The following PPP2R2C variants were observed in gnomAD, a reference collection of about 807,000 sequenced individuals.
PPP2R2C encodes protein phosphatase 2 regulatory subunit Bgamma.
In PPP2R2C, 10 loss-of-function variants were observed where a neutral mutation model predicts 45.3. That is an observed-to-expected ratio of 0.22 (90% CI 0.14 to 0.37). The LOEUF is 0.37. Among genes scored for constraint, PPP2R2C ranks in the 10% least tolerant of loss-of-function variants. The pLI, the probability that PPP2R2C is intolerant of heterozygous loss-of-function variation, is 1.00. For missense variants in PPP2R2C, 308 were observed against 619.7 expected, an observed-to-expected ratio of 0.50 and a Z score of 5.34; for synonymous variants, 257 against 245.4, an observed-to-expected ratio of 1.05 and a Z score of -0.44.
chr4:6,393,299 T>C (rs760445363), intron 1 of PPP2R2C, among the ~76,000 whole-genome samples: 6 of 152,310 alleles, frequency 3.9e-5, no homozygotes, highest in Non-Finnish European at 7.4e-5. Context: ...CTATGGATTT[T>C]GCCTACTCTG....
At chr4:6,541,600 G>A (rs1383114548) in intron 1 of PPP2R2C, among the ~76,000 whole-genome samples, 3 of 152,114 alleles carry the variant, frequency 2.0e-5, no homozygotes, top group Admixed American at 6.5e-5. Context: ...AGGCTGGAGT[G>A]CAGTGGCGCG....
chr4:6,528,409 C>T (rs1724285529), intron 2 of PPP2R2C, among the ~76,000 whole-genome samples: 1 of 152,218 alleles, frequency 6.6e-6, no homozygotes, highest in East Asian at 1.9e-4. Flanking sequence ...GAGCGCCCTG[C>T]CTCAGAATCT....
intron 1 of PPP2R2C, among the ~76,000 whole-genome samples, chr4:6,553,260 C>T (rs1725243671): frequency 1.3e-5 from 2 of 152,236 alleles, no homozygotes; most frequent in African/African-American, 4.8e-5. Context: ...TGGTGCCTCC[C>T]ACTGGCCAAA....
intron 2 of PPP2R2C, among the ~76,000 whole-genome samples, chr4:6,519,631 T>C (rs1723951440): frequency 6.6e-6 from 1 of 152,208 alleles, no homozygotes; most frequent in African/African-American, 2.4e-5. Context: ...CCCCATTCTG[T>C]CCGCACCTAT....
rs370954443 is a variant in PPP2R2C at position 6,493,017 on chromosome 4, C to G, written c.49+42254G>C. Among the ~76,000 whole-genome samples, 23 of 152,284 alleles carry G rather than the reference C, an allele frequency of 1.5e-4. 1 individual carries two copies. Among genetic ancestry groups the G allele is most frequent in the African/African-American group, 5.3e-4 (22 of 41,556 alleles). ...CCAACACACCAACCTCCCAGCTGTT[C>G]CTCCAGCTCAACATGCATACCCTGC... On this transcript the variant is annotated intron_variant, in intron 2 of 9. Coordinates refer to the PPP2R2C transcript ENST00000506140.
Position 6,471,779 on chromosome 4 carries a change from G to A in PPP2R2C, c.70+381C>T, listed in dbSNP as rs73207858. On this transcript the variant is annotated intron_variant, in intron 1 of 8. Coordinates refer to ENST00000382599, the MANE Select transcript of PPP2R2C (RefSeq NM_020416.4). The surrounding 1 kb of genome is among the most constrained non-coding windows in gnomAD (Gnocchi z 5.6). ...GGGCAGGGCTGAAATGGCAAATCCA[G>A]GATTTAAACCATTAAATTTCCCCGA... 3.6e-3 allele frequency: 740 copies of A among 204,192 alleles called. 3 individuals carry two copies. Among genetic ancestry groups the A allele is most frequent in the Non-Finnish European group, 5.5e-3 (559 of 101,756 alleles). 12.6% of individuals were successfully genotyped at this position (204,192 alleles called of 1,614,324 possible).
intron 1 of PPP2R2C, among the ~76,000 whole-genome samples, chr4:6,409,641 C>G (rs1381056582): frequency 6.6e-6 from 1 of 152,178 alleles, no homozygotes; most frequent in Non-Finnish European, 1.5e-5. Flanking sequence ...CACAGGAGCA[C>G]CACAGCTGAG....
Position 6,364,482 on chromosome 4 carries a change from G to GTT in PPP2R2C, c.625+8039_625+8040dup, listed in dbSNP as rs562722645. Among the ~76,000 whole-genome samples, 1,055 of 149,210 alleles carry GTT rather than the reference G, an allele frequency of 7.1e-3. 14 individuals carry two copies. The highest frequency in any genetic ancestry group is 0.061 in the South Asian group (287 of 4,714). On this transcript the variant is annotated intron_variant, in intron 5 of 8. Transcript: ENST00000382599. This position sits in a 1 kb window ranked among gnomAD's most constrained non-coding sequence, Gnocchi z 5.3. ...GAGCAAGGAGTGACATGATCTTGTC[G>GTT]TTTTTTTTTTTCTCATGTTGTAGGA...
At chr4:6,428,896 C>G (rs1176259629) in intron 1 of PPP2R2C, among the ~76,000 whole-genome samples, 1 of 152,246 alleles carries the variant, frequency 6.6e-6, no homozygotes, top group Non-Finnish European at 1.5e-5. Context: ...TGCCTGACTC[C>G]TGGTCCTGCA....
chr4:6,473,284 C>T (rs1229472490), upstream of PPP2R2C, among the ~76,000 whole-genome samples: 1 of 152,152 alleles, frequency 6.6e-6, no homozygotes, highest in Non-Finnish European at 1.5e-5. Flanking sequence ...ATGCGTCCCC[C>T]TCCTCCCTTC....
chr4:6,438,777 C>T (rs17779293), intron 1 of PPP2R2C, among the ~76,000 whole-genome samples: 36,172 of 152,124 alleles, frequency 0.24, 5,248 homozygotes, highest in Non-Finnish European at 0.33. Flanking sequence ...GAAACACCTG[C>T]GCTTGTCTTT....
chr4:6,409,689 C>T (rs558119367), intron 1 of PPP2R2C, among the ~76,000 whole-genome samples: 1 of 152,186 alleles, frequency 6.6e-6, no homozygotes, highest in Non-Finnish European at 1.5e-5. Context: ...GCCACCCCCC[C>T]ATATCCCAGC....
At chr4:6,462,510 C>G (rs1721380653) in intron 1 of PPP2R2C, among the ~76,000 whole-genome samples, 1 of 151,780 alleles carries the variant, frequency 6.6e-6, no homozygotes, top group African/African-American at 2.4e-5. Context: ...TAACAAATGT[C>G]TTCAACAAGT....
chr4:6,489,559 CTT>C (rs1166618505), intron 2 of PPP2R2C, among the ~76,000 whole-genome samples: 1 of 152,228 alleles, frequency 6.6e-6, no homozygotes, highest in Non-Finnish European at 1.5e-5. Context: ...TTGCAACAAA[CTT>C]TTGACAATTT....
At chr4:6,557,121 T>C (rs1319177949) in intron 1 of PPP2R2C, among the ~76,000 whole-genome samples, 1 of 152,220 alleles carries the variant, frequency 6.6e-6, no homozygotes, top group African/African-American at 2.4e-5. Flanking sequence ...AGGTCATTTT[T>C]AACTACACTG....
At position 6,413,576 on chromosome 4, in the gene PPP2R2C, C is replaced by T. The variant is rs944754536; in HGVS notation, c.71-32482G>A. Among the ~76,000 whole-genome samples the T allele has an allele frequency of 6.6e-5, 10 of 152,174 alleles. 1 individual carries two copies. Among genetic ancestry groups the T allele is most frequent in the Non-Finnish European group, 1.5e-5 (1 of 68,024 alleles). On this transcript the variant is annotated intron_variant, in intron 1 of 8. Coordinates refer to ENST00000382599, the MANE Select transcript of PPP2R2C (RefSeq NM_020416.4). ...CATCCCAGAGGCTGGGGATGTTTGT[C>T]CTGGTGCAGTTATCAGAGCAAGACC...
At chr4:6,420,281 A>G (rs1448601990) in intron 1 of PPP2R2C, among the ~76,000 whole-genome samples, 1 of 150,074 alleles carries the variant, frequency 6.7e-6, no homozygotes, top group African/African-American at 2.4e-5. Context: ...TCCCACTGCC[A>G]ATGTCTCCTT....
chr4:6,357,251 G>T (rs987492654), intron 5 of PPP2R2C, among the ~76,000 whole-genome samples: 1 of 152,402 alleles, frequency 6.6e-6, no homozygotes, highest in African/African-American at 2.4e-5. Context: ...GAGGTGCTGG[G>T]CAAGGAGGGG....
chr4:6,386,553 T>C (rs1716226903), intron 1 of PPP2R2C, among the ~76,000 whole-genome samples: 1 of 152,248 alleles, frequency 6.6e-6, no homozygotes. Context: ...CGACTGCAGA[T>C]GGTTTACAGT....
Sources: gnomAD v4.1 joint callset for allele counts (sites outside exome capture counted in the v4.1 genomes callset) on GRCh38, gnomAD v4.1.1 for gene constraint, Gnocchi (gnomAD v3.1) non-coding constraint, MANE v1.5 for transcripts, NCBI Gene and HGNC (gene_info 2026-07-23, HGNC 2026-07-21) for gene names.